Variants in XIRP2 observed in about 807,000 individuals in gnomAD.
The protein encoded by XIRP2 is xin actin binding repeat containing 2.
A neutral mutation model predicts 277.0 loss-of-function variants in XIRP2; 236 were observed. The ratio of observed to expected loss-of-function variants is 0.85; its 90% confidence interval spans 0.77 to 0.95. The LOEUF is 0.95. XIRP2 is among the 40% of genes least tolerant of loss of function. The pLI is 0.00. For synonymous variants in XIRP2, 1,490 were observed against 1,416.5 expected (o/e 1.05, Z -1.17); for missense variants, 4,640 against 4,157.5 (o/e 1.12, Z -3.19).
chr2:166,985,094 C>A (rs1215401868), intron 2 of XIRP2, among the ~76,000 whole-genome samples: 1 of 152,154 alleles, frequency 6.6e-6, no homozygotes, highest in Non-Finnish European at 1.5e-5. Context: ...TCCACAACAT[C>A]CTGCACAAAA....
chr2:166,889,725 A>G (rs1191664418), intron 1 of XIRP2: 1 of 152,706 alleles, frequency 6.5e-6, no homozygotes, highest in African/African-American at 2.4e-5. Flanking sequence ...CTGGTTGTCT[A>G]TCCTACCTGC....
At chr2:167,008,237 T>C (rs892297100) in intron 2 of XIRP2, among the ~76,000 whole-genome samples, 7 of 151,684 alleles carry the variant, frequency 4.6e-5, no homozygotes, top group African/African-American at 1.7e-4. Context: ...AAACAAAATT[T>C]TTTTTTCTGC....
chr2:167,101,894 T>C (rs1690497863), intron 2 of XIRP2, among the ~76,000 whole-genome samples: 1 of 152,316 alleles, frequency 6.6e-6, no homozygotes, highest in Non-Finnish European at 1.5e-5. Flanking sequence ...CATTCATTCA[T>C]TCATCCAAGA....
intron 2 of XIRP2, among the ~76,000 whole-genome samples, chr2:167,134,781 A>AT (rs1173449916): frequency 6.6e-6 from 1 of 152,226 alleles, no homozygotes; most frequent in African/African-American, 2.4e-5. Flanking sequence ...CTATGCTGTA[A>AT]TAAAAGTTAA....
At chr2:167,142,866 G>A (rs967445375) in intron 3 of XIRP2, among the ~76,000 whole-genome samples, 9 of 152,012 alleles carry the variant, frequency 5.9e-5, no homozygotes, top group Non-Finnish European at 1.2e-4. Context: ...TAAGGATTAG[G>A]GCATGGCTAA....
rs1216211315 is a variant in XIRP2, at chr2:167,245,501, T to A, written c.4109T>A (p.Val1370Asp). 2 of 1,613,632 alleles carry A rather than the reference T, an allele frequency of 1.2e-6. No individual in the cohort carries two copies. The highest frequency in any genetic ancestry group is 3.3e-5 in the Admixed American group (2 of 59,992). The change falls in exon 9 of 11, where the codon GTT becomes GAT. Residue 1370 changes from valine to aspartate, a missense_variant. By Grantham distance (152) the Val-to-Asp change is radical. Coordinates refer to ENST00000409195, the MANE Select transcript of XIRP2 (RefSeq NM_152381.6). ...DSINKSETVY[V>D]IKSVTQEDIQ... ...ATTAATAAATCAGAAACTGTGTATG[T>A]TATTAAATCTGTCACACAAGAAGAC...
At chr2:167,164,525 G>A (rs1692467897) in intron 3 of XIRP2, among the ~76,000 whole-genome samples, 1 of 143,340 alleles carries the variant, frequency 7.0e-6, no homozygotes, top group African/African-American at 2.5e-5. Flanking sequence ...AGTTGTTATT[G>A]TAATATTATG....
chr2:166,940,329 T>A (rs892746432), intron 2 of XIRP2, among the ~76,000 whole-genome samples: 1 of 152,232 alleles, frequency 6.6e-6, no homozygotes, highest in African/African-American at 2.4e-5. Flanking sequence ...TCACTGGTTA[T>A]TCTAGTTAGC....
At chr2:167,076,635 T>C (rs1429764552) in intron 2 of XIRP2, among the ~76,000 whole-genome samples, 2 of 152,198 alleles carry the variant, frequency 1.3e-5, no homozygotes, top group African/African-American at 4.8e-5. Context: ...TTGGCAGTCA[T>C]TTGTTAGACT....
At chr2:167,120,904 T>A (rs10497314) in intron 2 of XIRP2, among the ~76,000 whole-genome samples, 40,327 of 152,124 alleles carry the variant, frequency 0.27, 7,713 homozygotes, top group African/African-American at 0.54. Flanking sequence ...ATTCCTGTCT[T>A]ATGATTTCAT....
Position 167,259,245 on chromosome 2 carries a change from A to G in XIRP2, c.*1428A>G. 1.2e-6 allele frequency: 2 copies of G among 1,613,448 alleles called. No homozygotes were observed. The highest frequency in any genetic ancestry group is 1.7e-6 in the Non-Finnish European group (2 of 1,179,618). ...CGCAATAATGAAAACACAGGTTTTG[A>G]TGCTCTGAGCCATGAATGTACAGCT... On this transcript the variant is annotated 3_prime_UTR_variant, in exon 11 of 11. Coordinates refer to ENST00000409195, the MANE Select transcript of XIRP2 (RefSeq NM_152381.6).
At chr2:167,003,863 G>A (rs1373371321) in intron 2 of XIRP2, among the ~76,000 whole-genome samples, 1 of 151,746 alleles carries the variant, frequency 6.6e-6, no homozygotes, top group African/African-American at 2.4e-5. Flanking sequence ...TTAATAAACT[G>A]TGTTTCTGAT....
At chr2:167,050,199 C>T (rs966234993) in intron 2 of XIRP2, among the ~76,000 whole-genome samples, 2 of 151,988 alleles carry the variant, frequency 1.3e-5, no homozygotes, top group Admixed American at 6.6e-5. Context: ...CTGCCACAAC[C>T]CTGGCCTGCT....
At chr2:167,218,959 T>C (rs1288001036) in intron 5 of XIRP2, among the ~76,000 whole-genome samples, 1 of 152,198 alleles carries the variant, frequency 6.6e-6, no homozygotes, top group African/African-American at 2.4e-5. Context: ...GTAATTACAC[T>C]GTAAACAGGT....
intron 3 of XIRP2, among the ~76,000 whole-genome samples, chr2:167,138,286 T>A (rs888536263): frequency 6.6e-6 from 1 of 152,202 alleles, no homozygotes; most frequent in Non-Finnish European, 1.5e-5. Flanking sequence ...ATCCTGCATA[T>A]TTAAAATTTA....
intron 2 of XIRP2, among the ~76,000 whole-genome samples, chr2:166,924,385 G>T (rs1381097795): frequency 6.6e-6 from 1 of 151,948 alleles, no homozygotes; most frequent in Non-Finnish European, 1.5e-5. Context: ...TTGAGGTTTT[G>T]CCTTTTCTGG....
intron 2 of XIRP2, among the ~76,000 whole-genome samples, chr2:166,940,491 A>T (rs1685675202): frequency 6.6e-6 from 1 of 152,122 alleles, no homozygotes; most frequent in Admixed American, 6.5e-5. Context: ...GCTGGCGAGG[A>T]GCTGTGTTCC....
chr2:167,183,619 A>T (rs1401473010), intron 3 of XIRP2, among the ~76,000 whole-genome samples: 1 of 152,004 alleles, frequency 6.6e-6, no homozygotes, highest in Non-Finnish European at 1.5e-5. Flanking sequence ...TAATTTTCTC[A>T]TGAAATTCTC....
chr2:167,105,084 G>T (rs1370989932), intron 2 of XIRP2, among the ~76,000 whole-genome samples: 1 of 151,966 alleles, frequency 6.6e-6, no homozygotes, highest in African/African-American at 2.4e-5. Context: ...TAGTAAGTTA[G>T]TTTTTTAATC....
Sources: allele counts gnomAD v4.1 joint callset (sites outside exome capture counted in the v4.1 genomes callset), GRCh38; gene constraint gnomAD v4.1.1; transcripts MANE v1.5; gene names NCBI Gene and HGNC (gene_info 2026-07-23, HGNC 2026-07-21).